The following EFCAB12 variants were observed in gnomAD, a reference collection of about 807,000 sequenced individuals.
The protein encoded by EFCAB12 is EF-hand calcium binding domain 12, also known as EF-hand calcium-binding domain-containing protein 12.
A neutral mutation model predicts 53.6 loss-of-function variants in EFCAB12; 43 were observed. The ratio of observed to expected loss-of-function variants is 0.80; its 90% CI spans 0.63 to 1.03. The LOEUF is 1.03. Among genes scored for constraint, EFCAB12 ranks in the 50% least tolerant of loss-of-function variants. The probability of loss-of-function intolerance (pLI) is 0.00; values close to 1 mark genes in which losing one functional copy is unlikely to be tolerated. For synonymous variants in EFCAB12, 269 were observed against 289.2 expected (o/e 0.93, Z 0.71); for missense variants, 646 against 730.6 (o/e 0.88, Z 1.34).
At chr3:129,409,965 A>C (rs753442123) in intron 5 of EFCAB12, among the ~76,000 whole-genome samples, 4 of 152,068 alleles carry the variant, frequency 2.6e-5, no homozygotes, top group African/African-American at 4.8e-5. Flanking sequence ...TATAGGTATA[A>C]ATACAAATAT....
At chr3:129,413,870 T>C (rs535476196) in intron 4 of EFCAB12, 96 of 152,342 alleles carry the variant, frequency 6.3e-4, no homozygotes, top group African/African-American at 2.2e-3. Flanking sequence ...AGCAAAGGTC[T>C]GCTGCTTGGC....
intron 5 of EFCAB12, among the ~76,000 whole-genome samples, chr3:129,410,198 C>T (rs972531807): frequency 1.3e-5 from 2 of 151,076 alleles, no homozygotes; most frequent in Non-Finnish European, 3.0e-5. Flanking sequence ...TGTGTAGAGA[C>T]GGGGCCTTGC....
intron 4 of EFCAB12, 102 bp from the exon 5 acceptor site, chr3:129,411,456 C>T: frequency 8.2e-7 from 1 of 1,213,834 alleles, no homozygotes; most frequent in Non-Finnish European, 1.1e-6. Flanking sequence ...GGCACCAGGC[C>T]ACCCCTCCGC....
chr3:129,407,786 C>T (rs1413938100), intron 6 of EFCAB12, among the ~76,000 whole-genome samples: 1 of 152,126 alleles, frequency 6.6e-6, no homozygotes, highest in Non-Finnish European at 1.5e-5. Context: ...TGGTGGTGCG[C>T]ACCTTTAGTC....
At chr3:129,420,817 A>G (rs1343842275) in intron 2 of EFCAB12, among the ~76,000 whole-genome samples, 1 of 152,226 alleles carries the variant, frequency 6.6e-6, no homozygotes, top group Non-Finnish European at 1.5e-5. Context: ...TGGAAGTGAT[A>G]GTGTGGAACT....
chr3:129,408,710 T>C lies in EFCAB12; in HGVS notation c.1184A>G (p.Tyr395Cys), dbSNP rs771740262. The change falls in exon 6 of 9, where the codon TAC (tyrosine) becomes TGC (cysteine). Residue 395 changes from tyrosine (Y) to cysteine (C), a missense_variant. Coordinates refer to ENST00000505956, the MANE Select transcript of EFCAB12 (RefSeq NM_207307.3). ...CTTACAGAGCTTCCAGCATTGCAGG[T>C]AGACCAGAAAGTTGTGCCTGCGGGC... ...DSARRHNFLV[Y>C]LQCWKLCKSY... 7 of 1,588,794 alleles carry C rather than the reference T, an allele frequency of 4.4e-6. No homozygotes were observed. Among genetic ancestry groups the C allele is most frequent in the Non-Finnish European group, 1.7e-6 (2 of 1,166,582 alleles).
intron 1 of EFCAB12, among the ~76,000 whole-genome samples, chr3:129,425,204 C>T (rs1183740680): frequency 1.3e-5 from 2 of 152,276 alleles, no homozygotes; most frequent in East Asian, 1.9e-4. Context: ...CCATTTGGGT[C>T]CTCCCTAGAC....
chr3:129,401,327 G>T lies in EFCAB12; in HGVS notation c.*266C>A. 5.3e-6 allele frequency: 2 copies of T among 379,522 alleles called. No individual in the cohort carries two copies. Among genetic ancestry groups the T allele is most frequent in the Non-Finnish European group, 9.3e-6 (2 of 214,560 alleles). The allele number at this position is 379,522 out of a possible 1,614,324, so 23.5% of individuals were successfully genotyped here. ...ACATCAGCTGGGTCACAGGTGAAAT[G>T]AGAAAAACTCCAACCTGCTTTATGT... On this transcript the variant is annotated 3_prime_UTR_variant, in exon 9 of 9. Transcript: ENST00000505956.
Position 129,422,836 on chromosome 3 carries a change from TTTTC to T in EFCAB12, c.50-1037_50-1034del, listed in dbSNP as rs1178088216. Among the ~76,000 whole-genome samples, 10 of 152,204 alleles carry T rather than the reference TTTTC, an allele frequency of 6.6e-5. No homozygotes were observed. In the East Asian group the frequency reaches 1.2e-3, roughly 18 times the overall value. On this transcript the variant is annotated intron_variant, in intron 1 of 8. Coordinates refer to ENST00000505956, the MANE Select transcript of EFCAB12 (RefSeq NM_207307.3). ...TCCTTTTTGTCTCACAGGCAGCTCA[TTTTC>T]TTTATTAAGTCCTCGGTTTGGGCAG...
intron 6 of EFCAB12, among the ~76,000 whole-genome samples, chr3:129,405,168 A>G (rs552363212): frequency 3.2e-4 from 49 of 152,314 alleles, no homozygotes; most frequent in African/African-American, 1.1e-3. Context: ...AATCTCATGG[A>G]GATCCTTGGG....
At chr3:129,423,104 A>G (rs747593433) in intron 1 of EFCAB12, among the ~76,000 whole-genome samples, 2 of 152,214 alleles carry the variant, frequency 1.3e-5, no homozygotes, top group Non-Finnish European at 2.9e-5. Context: ...ATTGAGGCCT[A>G]GAGAGGCCCA....
intron 1 of EFCAB12, among the ~76,000 whole-genome samples, chr3:129,425,006 G>A (rs548265915): frequency 1.3e-5 from 2 of 152,280 alleles, no homozygotes; most frequent in East Asian, 3.9e-4. Context: ...ATGGGGAAAG[G>A]TCAGGAGTGG....
At chr3:129,415,689 T>C (rs1022994208) in intron 3 of EFCAB12, among the ~76,000 whole-genome samples, 1 of 152,080 alleles carries the variant, frequency 6.6e-6, no homozygotes, top group African/African-American at 2.4e-5. Context: ...CTTTATAGAG[T>C]GGGTTTCTTC....
intron 6 of EFCAB12, among the ~76,000 whole-genome samples, chr3:129,407,022 A>G (rs1429641731): frequency 6.6e-6 from 1 of 152,162 alleles, no homozygotes; most frequent in Non-Finnish European, 1.5e-5. Context: ...CACTGTGCCC[A>G]GCCTGGAGAT....
chr3:129,408,519 C>T (rs1321888086), intron 6 of EFCAB12, 126 bp downstream of exon 6: 2 of 1,044,386 alleles, frequency 1.9e-6, no homozygotes, highest in Non-Finnish European at 2.8e-6. Flanking sequence ...CCGCCTTATT[C>T]CCAATGTCCC....
intron 1 of EFCAB12, among the ~76,000 whole-genome samples, chr3:129,427,772 C>G (rs1329128088): frequency 6.6e-6 from 1 of 152,210 alleles, no homozygotes; most frequent in Non-Finnish European, 1.5e-5. Flanking sequence ...TCCTGCCACT[C>G]CCAGTGGCCT....
chr3:129,405,794 AAGTGGCCAAGAC>A (rs2107735871), intron 6 of EFCAB12, among the ~76,000 whole-genome samples: 1 of 152,268 alleles, frequency 6.6e-6, no homozygotes, highest in East Asian at 1.9e-4. Context: ...ACCGAATAGC[AAGTGGCCAAGAC>A]AGTGGTCAGA....
intron 2 of EFCAB12, among the ~76,000 whole-genome samples, chr3:129,420,169 G>A (rs763784791): frequency 5.9e-5 from 9 of 152,094 alleles, no homozygotes; most frequent in Non-Finnish European, 1.3e-4. Context: ...TGAAGTTTCC[G>A]GGCCAACCAA....
At chr3:129,410,542 T>C (rs1215218114) in intron 5 of EFCAB12, among the ~76,000 whole-genome samples, 1 of 152,160 alleles carries the variant, frequency 6.6e-6, no homozygotes, top group Non-Finnish European at 1.5e-5. Context: ...GGCCTCGAAC[T>C]CCTGGGCTTA....
Sources: allele counts gnomAD v4.1 joint callset (sites outside exome capture counted in the v4.1 genomes callset), GRCh38; gene constraint gnomAD v4.1.1; transcripts MANE v1.5; gene names NCBI Gene and HGNC (gene_info 2026-07-23, HGNC 2026-07-21).